ADAMTSL3: variants seen among roughly 807,000 people sequenced by gnomAD.
ADAMTSL3 encodes the protein ADAMTS-like protein 3.
Under a neutral mutation model 201.7 loss-of-function variants are expected in ADAMTSL3, and 128 were observed. The observed-to-expected ratio is 0.63, with a 90% CI of 0.55 to 0.73. The LOEUF (loss-of-function observed/expected upper bound fraction) is 0.73, where lower values mean the gene tolerates loss of function less well. Among genes scored for constraint, ADAMTSL3 ranks in the 30% least tolerant of loss-of-function variants. The probability of loss-of-function intolerance (pLI) is 0.00; values close to 1 mark genes in which losing one functional copy is unlikely to be tolerated. For synonymous variants in ADAMTSL3, 738 were observed against 748.4 expected, an observed-to-expected ratio of 0.99 and a Z score of 0.23; for missense variants, 1,990 against 2,119.6, an observed-to-expected ratio of 0.94 and a Z score of 1.20.
rs1412165239 is a variant in ADAMTSL3, at chr15:84,037,978, GGTA to G, written c.*175_*177del. ...AAGGTGTAAAGTGAAATTTTCCAAT[GGTA>G]GTTTTATATTCCAATTTTTTAAAAT... On this transcript the variant is annotated 3_prime_UTR_variant, in exon 30 of 30. Coordinates refer to ENST00000286744, the MANE Select transcript of ADAMTSL3 (RefSeq NM_207517.3). The G allele has an allele frequency of 2.9e-6, 3 of 1,051,724 alleles. No individual in the cohort carries two copies. Among genetic ancestry groups the G allele is most frequent in the Non-Finnish European group, 2.6e-6 (2 of 771,672 alleles). 65.1% of individuals were successfully genotyped at this position (1,051,724 alleles called of 1,614,324 possible).
chr15:83,970,095 A>G (rs958431159), intron 19 of ADAMTSL3, among the ~76,000 whole-genome samples: 6 of 152,218 alleles, frequency 3.9e-5, no homozygotes, highest in Non-Finnish European at 5.9e-5. Context: ...AAAAGGGTCA[A>G]ATTTTAAAAA....
chr15:83,838,156 A>G lies in ADAMTSL3; in HGVS notation c.668A>G (p.Asp223Gly). The change falls in exon 7 of 30, where the codon GAT (aspartate) becomes GGT (glycine). Residue 223 changes from aspartate (D) to glycine (G), a missense_variant. Physicochemically the swap from Asp to Gly is moderately conservative, Grantham distance 94. Coordinates refer to ENST00000286744, the MANE Select transcript of ADAMTSL3 (RefSeq NM_207517.3). Reference sequence around the variant, plus strand: ...GACAACTGTGGAGTCTGTGCCGGCGATGGCTCCACCTGCAGGCTTGTACGG... The same window carrying G: ...GACAACTGTGGAGTCTGTGCCGGCGGTGGCTCCACCTGCAGGCTTGTACGG... ...KEDNCGVCAG[D>G]GSTCRLVRGQ... 6.2e-7 allele frequency: 1 copy of G among 1,613,322 alleles called. No individual in the cohort carries two copies.
chr15:83,939,271 A>G (rs916683579), intron 17 of ADAMTSL3, among the ~76,000 whole-genome samples: 3 of 152,006 alleles, frequency 2.0e-5, no homozygotes, highest in Non-Finnish European at 4.4e-5. Context: ...GAGAGTTTAT[A>G]TAAGGTTGGA....
intron 20 of ADAMTSL3, among the ~76,000 whole-genome samples, chr15:83,972,594 G>T (rs947945210): frequency 2.0e-5 from 3 of 152,064 alleles, no homozygotes; most frequent in African/African-American, 7.2e-5. Flanking sequence ...AATTATTTTG[G>T]CATGCATTGA....
intron 19 of ADAMTSL3, among the ~76,000 whole-genome samples, chr15:83,969,189 T>C (rs756576656): frequency 4.6e-5 from 7 of 152,162 alleles, no homozygotes; most frequent in Non-Finnish European, 8.8e-5. Context: ...CTCACGCCTA[T>C]AATCCCAGCA....
At chr15:83,752,328 C>G (rs2062649137) in intron 3 of ADAMTSL3, among the ~76,000 whole-genome samples, 1 of 151,994 alleles carries the variant, frequency 6.6e-6, no homozygotes, top group African/African-American at 2.4e-5. Flanking sequence ...AATTTATTCT[C>G]TATGGTGATT....
chr15:83,911,609 C>G (rs950057774), intron 15 of ADAMTSL3, among the ~76,000 whole-genome samples: 2 of 152,184 alleles, frequency 1.3e-5, no homozygotes, highest in African/African-American at 4.8e-5. Flanking sequence ...AGAAGGGTTC[C>G]CCACTAACAA....
At chr15:83,863,378 C>T (rs1260620136) in intron 8 of ADAMTSL3, among the ~76,000 whole-genome samples, 1 of 152,184 alleles carries the variant, frequency 6.6e-6, no homozygotes, top group East Asian at 1.9e-4. Context: ...AAGCACTCCT[C>T]AGCAAATGTA....
At chr15:83,730,378 A>G (rs7170764) in intron 3 of ADAMTSL3, among the ~76,000 whole-genome samples, 1 of 152,108 alleles carries the variant, frequency 6.6e-6, no homozygotes, top group African/African-American at 2.4e-5. Flanking sequence ...CTACAGGAAT[A>G]AACTCTGCAA....
At chr15:83,893,519 AAG>A (rs2065551856) in intron 13 of ADAMTSL3, among the ~76,000 whole-genome samples, 1 of 152,208 alleles carries the variant, frequency 6.6e-6, no homozygotes, top group Admixed American at 6.5e-5. Flanking sequence ...CACGACATGA[AAG>A]TGTGTGTCCT....
At chr15:83,951,952 A>G (rs893463626) in intron 19 of ADAMTSL3, among the ~76,000 whole-genome samples, 12 of 152,070 alleles carry the variant, frequency 7.9e-5, no homozygotes, top group African/African-American at 2.9e-4. Flanking sequence ...TTTTCAAAAA[A>G]CCAACTTTTT....
At chr15:83,661,723 C>T (rs1239120612) in intron 2 of ADAMTSL3, among the ~76,000 whole-genome samples, 1 of 151,308 alleles carries the variant, frequency 6.6e-6, no homozygotes, top group Non-Finnish European at 1.5e-5. Flanking sequence ...AACAAATTTA[C>T]GAGAAAAAAA....
chr15:83,952,563 T>C (rs1455219816), intron 19 of ADAMTSL3, among the ~76,000 whole-genome samples: 1 of 152,216 alleles, frequency 6.6e-6, no homozygotes, highest in African/African-American at 2.4e-5. Context: ...TATCATTGTA[T>C]TGAGGCCTAT....
At chr15:84,014,757 C>T in intron 24 of ADAMTSL3, 33 bp downstream of exon 24, 2 of 1,574,774 alleles carry the variant, frequency 1.3e-6, no homozygotes, top group Non-Finnish European at 1.7e-6. Context: ...TCCTTAAGTG[C>T]CTCCTGTAAT....
intron 20 of ADAMTSL3, among the ~76,000 whole-genome samples, chr15:83,972,436 T>C (rs186517113): frequency 5.9e-5 from 9 of 152,286 alleles, no homozygotes; most frequent in Non-Finnish European, 1.3e-4. Flanking sequence ...GATGGTTGCA[T>C]AGCAGTGTGG....
At chr15:83,671,299 T>TG (rs1567062024) in intron 2 of ADAMTSL3, among the ~76,000 whole-genome samples, 1 of 152,210 alleles carries the variant, frequency 6.6e-6, no homozygotes, top group Non-Finnish European at 1.5e-5. Context: ...CAGAACTTTT[T>TG]GGGGGCAGCC....
At chr15:83,861,735 C>A (rs545007258) in intron 8 of ADAMTSL3, 2 of 152,346 alleles carry the variant, frequency 1.3e-5, no homozygotes, top group East Asian at 3.9e-4. Context: ...CAAAGGAACA[C>A]AGCTCCTCAC....
intron 4 of ADAMTSL3, among the ~76,000 whole-genome samples, chr15:83,801,665 T>A (rs376767133): frequency 0.24 from 15,313 of 64,624 alleles, 2,683 homozygotes; most frequent in East Asian, 0.42. Flanking sequence ...TATATATATA[T>A]ATATATATAT....
intron 5 of ADAMTSL3, 107 bp downstream of exon 5, chr15:83,804,802 G>T: frequency 9.0e-6 from 7 of 780,656 alleles, no homozygotes; most frequent in Admixed American, 3.9e-5. Context: ...TACCCTTTGT[G>T]GAAAACTTAA....
Sources: gnomAD v4.1 joint callset for allele counts (sites outside exome capture counted in the v4.1 genomes callset) on GRCh38, gnomAD v4.1.1 for gene constraint, MANE v1.5 for transcripts, NCBI Gene and HGNC (gene_info 2026-07-23, HGNC 2026-07-21) for gene names.